The following RIMS2 variants were observed in gnomAD, a reference collection of about 807,000 sequenced individuals.
RIMS2 encodes the protein regulating synaptic membrane exocytosis 2, also known as regulating synaptic membrane exocytosis protein 2.
Under a neutral mutation model 174.4 loss-of-function variants are expected in RIMS2, and 59 were observed. The observed-to-expected ratio is 0.34, with a 90% confidence interval of 0.27 to 0.42. RIMS2 has a LOEUF of 0.42. RIMS2 is among the 10% of genes least tolerant of loss of function. The probability of loss-of-function intolerance (pLI) is 1.00; values close to 1 mark genes in which losing one functional copy is unlikely to be tolerated. For synonymous variants in RIMS2, 606 were observed against 572.5 expected, an observed-to-expected ratio of 1.06 and a Z score of -0.84; for missense variants, 1,620 against 1,666.3, an observed-to-expected ratio of 0.97 and a Z score of 0.48.
At chr8:103,988,599 G>A (rs912408726) in intron 16 of RIMS2, among the ~76,000 whole-genome samples, 2 of 152,056 alleles carry the variant, frequency 1.3e-5, no homozygotes, top group Non-Finnish European at 2.9e-5. Flanking sequence ...AGCTGGGATT[G>A]CAGGCATGCA....
chr8:103,863,711 G>T (rs2099070191), intron 3 of RIMS2, among the ~76,000 whole-genome samples: 1 of 151,802 alleles, frequency 6.6e-6, no homozygotes, highest in African/African-American at 2.4e-5. Context: ...AGGTTTTGTG[G>T]TTTGTATGTG....
chr8:104,231,290 AT>A (rs936999823), intron 19 of RIMS2, among the ~76,000 whole-genome samples: 3 of 151,896 alleles, frequency 2.0e-5, no homozygotes, highest in African/African-American at 7.3e-5. Flanking sequence ...ACTTCAGTAG[AT>A]TTACATCTCC....
chr8:103,726,632 A>G (rs993678556), intron 2 of RIMS2, among the ~76,000 whole-genome samples: 1 of 150,604 alleles, frequency 6.6e-6, no homozygotes, highest in East Asian at 1.9e-4. Flanking sequence ...TTAAGTCTTC[A>G]TATTCAAAAT....
intron 1 of RIMS2, among the ~76,000 whole-genome samples, chr8:103,592,114 G>T (rs1186705308): frequency 6.6e-6 from 1 of 151,138 alleles, no homozygotes. Flanking sequence ...AGCAGGTGGT[G>T]TAATCAATAA....
intron 19 of RIMS2, among the ~76,000 whole-genome samples, chr8:104,103,905 A>T (rs1443561968): frequency 6.6e-6 from 1 of 152,148 alleles, no homozygotes; most frequent in African/African-American, 2.4e-5. Flanking sequence ...CAGTCACTAT[A>T]TGGGACCCTG....
At chr8:103,540,802 T>A (rs940242302) in intron 1 of RIMS2, among the ~76,000 whole-genome samples, 1 of 151,700 alleles carries the variant, frequency 6.6e-6, no homozygotes, top group African/African-American at 2.4e-5. Context: ...AACTTTTGAG[T>A]TGGAATTGTA....
In RIMS2 at chr8:104,125,405, T is replaced by C. The variant is rs2098420428; in HGVS notation, c.3334+110790T>C. On this transcript the variant is annotated intron_variant, in intron 19 of 23. Transcript: ENST00000504942. ...TTCTCTTCTTTAATCTGGATAATCA[T>C]AGTACTTATATCAGATTCTTTATGA... is the stretch of plus-strand genomic sequence containing the variant. Among the ~76,000 whole-genome samples, 10 of 152,216 alleles carry C rather than the reference T, an allele frequency of 6.6e-5. No homozygotes were observed. The South Asian group carries it at 2.1e-3, about 32-fold the overall frequency.
At chr8:103,600,943 A>G (rs557922713) in intron 1 of RIMS2, among the ~76,000 whole-genome samples, 104 of 152,212 alleles carry the variant, frequency 6.8e-4, no homozygotes, top group African/African-American at 2.2e-3. Context: ...TCTCTGATGA[A>G]TTAATCAATG....
chr8:104,086,980 G>A (rs141900448), intron 19 of RIMS2, among the ~76,000 whole-genome samples: 9 of 152,158 alleles, frequency 5.9e-5, no homozygotes, highest in African/African-American at 2.2e-4. Flanking sequence ...GCCATAATGG[G>A]AGTATTTATA....
chr8:103,736,640 CG>C (rs2097689347), intron 2 of RIMS2, among the ~76,000 whole-genome samples: 1 of 152,054 alleles, frequency 6.6e-6, no homozygotes, highest in Non-Finnish European at 1.5e-5. Context: ...TAATTACTCA[CG>C]TTTGGCTCAA....
intron 19 of RIMS2, among the ~76,000 whole-genome samples, chr8:104,017,183 C>T (rs1255065613): frequency 6.6e-6 from 1 of 151,684 alleles, no homozygotes; most frequent in African/African-American, 2.4e-5. Context: ...GAAATCGCAA[C>T]TTCAGTTAAT....
At chr8:104,084,346 C>A (rs1298379109) in intron 19 of RIMS2, among the ~76,000 whole-genome samples, 1 of 142,532 alleles carries the variant, frequency 7.0e-6, no homozygotes, top group African/African-American at 2.7e-5. Context: ...GAGGCTGAGG[C>A]AGAATTGCTT....
At chr8:103,526,508 G>T (rs1467994508) in intron 1 of RIMS2, among the ~76,000 whole-genome samples, 1 of 152,136 alleles carries the variant, frequency 6.6e-6, no homozygotes, top group Non-Finnish European at 1.5e-5. Context: ...ACCAACAGGG[G>T]ATTCAAATAA....
At chr8:103,771,394 A>C (rs981211175) in intron 3 of RIMS2, among the ~76,000 whole-genome samples, 18 of 152,186 alleles carry the variant, frequency 1.2e-4, no homozygotes, top group African/African-American at 4.1e-4. Flanking sequence ...TTTAAGTTGG[A>C]TGCTTCATAA....
intron 14 of RIMS2, among the ~76,000 whole-genome samples, chr8:103,953,330 A>G (rs1345910339): frequency 5.3e-5 from 8 of 152,190 alleles, no homozygotes; most frequent in Non-Finnish European, 2.9e-5. Context: ...TGAAGGAAAA[A>G]CTGTTAAGGG....
At chr8:103,744,032 G>A (rs1441442298) in intron 2 of RIMS2, among the ~76,000 whole-genome samples, 1 of 151,978 alleles carries the variant, frequency 6.6e-6, no homozygotes, top group African/African-American at 2.4e-5. Context: ...AGTTGTGTAG[G>A]ATTTTTTGTT....
At chr8:103,979,992 T>C (rs2093757435) in intron 16 of RIMS2, among the ~76,000 whole-genome samples, 1 of 151,848 alleles carries the variant, frequency 6.6e-6, no homozygotes, top group Non-Finnish European at 1.5e-5. Context: ...GAGTCCTAGG[T>C]AAACTGGAAA....
chr8:103,720,327 TAAG>T (rs2097429881), intron 2 of RIMS2, among the ~76,000 whole-genome samples: 1 of 152,198 alleles, frequency 6.6e-6, no homozygotes, highest in South Asian at 2.1e-4. Flanking sequence ...TATGCTAAAT[TAAG>T]TATATGTAAT....
chr8:103,657,414 C>G (rs1208587078), intron 1 of RIMS2, among the ~76,000 whole-genome samples: 4 of 152,198 alleles, frequency 2.6e-5, no homozygotes, highest in Admixed American at 2.0e-4. Context: ...CCTAAAACTT[C>G]TCACAAGGCA....
Sources: allele counts gnomAD v4.1 joint callset (sites outside exome capture counted in the v4.1 genomes callset), GRCh38; gene constraint gnomAD v4.1.1; transcripts MANE v1.5; gene names NCBI Gene and HGNC (gene_info 2026-07-23, HGNC 2026-07-21).